CTSB: variants seen among roughly 807,000 people sequenced by gnomAD.
CTSB encodes APP secretase.
In CTSB, 57 loss-of-function variants were observed where a neutral mutation model predicts 44.3. The observed-to-expected ratio is 1.29, with a 90% CI of 1.04 to 1.60. The LOEUF (loss-of-function observed/expected upper bound fraction) is 1.60, where lower values mean the gene tolerates loss of function less well. Among genes scored for constraint, CTSB ranks in the 40% most tolerant of loss-of-function variants. The pLI, the probability that CTSB is intolerant of heterozygous loss-of-function variation, is 0.00. For missense variants in CTSB, 768 were observed against 443.0 expected (o/e 1.73, Z -6.59); for synonymous variants, 320 against 168.0 (o/e 1.91, Z -7.00).
At chr8:11,864,231 G>A (rs1816795645) in intron 1 of CTSB, 1 of 150,684 alleles carries the variant, frequency 6.6e-6, no homozygotes, top group South Asian at 2.1e-4. Context: ...GCATTTGGAA[G>A]GCCTAAGTGG....
chr8:11,849,486 C>T, intron 4 of CTSB: 1 of 198,390 alleles, frequency 5.0e-6, no homozygotes, highest in Non-Finnish European at 1.1e-5. Flanking sequence ...GCTTTTAAAG[C>T]AAGAGAAGCA....
Position 11,853,325 on chromosome 8 carries a change from C to G in CTSB, c.126+4G>C, listed in dbSNP as rs11784413. ...CATACATAGGACGCAGCCCCACAGCCTACCTGCCACGTGGTATTCCGTTTG... is the reference window on the plus strand; with the variant it reads ...CATACATAGGACGCAGCCCCACAGCGTACCTGCCACGTGGTATTCCGTTTG... On this transcript the variant is annotated splice_donor_region_variant and intron_variant, in intron 2 of 9. Coordinates refer to ENST00000353047, the MANE Select transcript of CTSB (RefSeq NM_001908.5). 6.2e-7 allele frequency: 1 copy of G among 1,613,242 alleles called. No individual in the cohort carries two copies. The highest frequency in any genetic ancestry group is 8.5e-7 in the Non-Finnish European group (1 of 1,179,806).
At chr8:11,845,829 C>G (rs1272894626) in intron 8 of CTSB, 40 bp from the exon 9 acceptor site, 14 of 1,575,120 alleles carry the variant, frequency 8.9e-6, no homozygotes, top group Non-Finnish European at 4.3e-6. Flanking sequence ...GACCGGGCCA[C>G]TGTCCCACGC....
intron 1 of CTSB, chr8:11,853,964 G>C (rs1293297): frequency 0.08 from 12,175 of 152,934 alleles, 680 homozygotes; most frequent in Middle Eastern, 0.15. Context: ...TGGAGGTTGA[G>C]GCTGAGAGGT....
intron 1 of CTSB, among the ~76,000 whole-genome samples, chr8:11,856,532 G>C (rs151150212): frequency 0.02 from 3,008 of 152,234 alleles, 49 homozygotes; most frequent in Middle Eastern, 0.048. Context: ...AGAATCACTT[G>C]AACCCAGGAG....
rs1812865334 is a variant in CTSB, at chr8:11,844,526, T to C, written c.*599A>G. 1 of 152,290 alleles carries C rather than the reference T, an allele frequency of 6.6e-6. No individual in the cohort carries two copies. 9.4% of individuals were successfully genotyped at this position (152,290 alleles called of 1,614,324 possible). A position where few individuals can be genotyped will look rare whatever the true frequency, so the allele number is the denominator to read the frequency against. On this transcript the variant is annotated 3_prime_UTR_variant, in exon 10 of 10. Transcript: ENST00000353047. ...AGGCAATCTGTAAAACTAGCACAGG[T>C]CTCCCGCTGTTCCACTGGCTCACCC...
rs1455599219 is a variant in CTSB, at chr8:11,844,249, G to A, written c.*876C>T. The stretch of plus-strand genomic sequence containing the variant: ...GTTCCAGGACGTGATTCTCTGCAGG[G>A]ACAAAGAGAGACAGCAGCTACAAGT... On this transcript the variant is annotated 3_prime_UTR_variant, in exon 10 of 10. Coordinates refer to ENST00000353047, the MANE Select transcript of CTSB (RefSeq NM_001908.5). The A allele has an allele frequency of 3.3e-5, 5 of 152,184 alleles. No individual in the cohort carries two copies. Among genetic ancestry groups the A allele is most frequent in the Non-Finnish European group, 7.3e-5 (5 of 68,038 alleles). The allele number at this position is 152,184 out of a possible 1,614,324, so 9.4% of individuals were successfully genotyped here.
Position 11,849,033 on chromosome 8 carries a change from C to A in CTSB, c.446+13G>T. 6.2e-7 allele frequency: 1 copy of A among 1,602,134 alleles called. No homozygotes were observed. Among genetic ancestry groups the A allele is most frequent in the Non-Finnish European group, 8.5e-7 (1 of 1,170,214 alleles). On this transcript the variant is annotated intron_variant, in intron 5 of 9. Transcript: ENST00000353047. Reference sequence around the variant, plus strand: ...CAGCACTAAACCCGCTGTGGAAGCACAGCCTGACTCACCCGTCCCCACACA... The same window carrying A: ...CAGCACTAAACCCGCTGTGGAAGCAAAGCCTGACTCACCCGTCCCCACACA...
rs375073968 is a variant in CTSB, at chr8:11,845,771, G to C, written c.812C>G (p.Thr271Ser). ...LYKSGVYQHV[T>S]GEMMGGHAIR... ...GGCATGGCCACCCATCATCTCTCCG[G>C]TGACGTGTTGGTACACTCCTGAAAA... Residue 271 changes from threonine (T) to serine (S), a missense_variant, in exon 9 of 10, where the codon ACC becomes AGC. Transcript: ENST00000353047. The C allele has an allele frequency of 8.4e-5, 136 of 1,613,808 alleles. No individual in the cohort carries two copies. In the Admixed American group the frequency reaches 1.7e-3, roughly 20 times the overall value.
chr8:11,846,949 C>T (rs1240954667), intron 8 of CTSB, 103 bp downstream of exon 8: 13 of 713,660 alleles, frequency 1.8e-5, no homozygotes, highest in Non-Finnish European at 3.3e-5. Context: ...CAGCCCCTCA[C>T]CTGCCTGCCC....
At chr8:11,851,222 CTGT>C (rs1174735710) in intron 3 of CTSB, among the ~76,000 whole-genome samples, 2 of 152,098 alleles carry the variant, frequency 1.3e-5, no homozygotes, top group Non-Finnish European at 2.9e-5. Context: ...CAGAATTTCA[CTGT>C]GTCATCCAGG....
chr8:11,848,757 T>C (rs1213487936), intron 5 of CTSB: 2 of 332,814 alleles, frequency 6.0e-6, no homozygotes, highest in Non-Finnish European at 1.2e-5. Flanking sequence ...AAAAGGAACA[T>C]GCGATGACAC....
intron 1 of CTSB, among the ~76,000 whole-genome samples, chr8:11,865,225 A>T (rs749156536): frequency 6.6e-6 from 1 of 152,152 alleles, no homozygotes; most frequent in Non-Finnish European, 1.5e-5. Context: ...CATGTTTCCA[A>T]TAATTTCCTT....
rs1030456054 is a variant in CTSB at position 11,846,085 on chromosome 8, C to G, written c.794-296G>C. The G allele has an allele frequency of 8.2e-5, 18 of 220,150 alleles. 2 individuals are homozygous for G. Among genetic ancestry groups the G allele is most frequent in the South Asian group, 7.4e-4 (7 of 9,488 alleles). 13.6% of individuals were successfully genotyped at this position (220,150 alleles called of 1,614,324 possible). Reference sequence around the variant, plus strand: ...ATTCTAATTGATAAAACATTTAATGCTAGATGACTGATTCATCTGTTCTTT... The same window carrying G: ...ATTCTAATTGATAAAACATTTAATGGTAGATGACTGATTCATCTGTTCTTT... On this transcript the variant is annotated intron_variant, in intron 8 of 9. Coordinates refer to ENST00000353047, the MANE Select transcript of CTSB (RefSeq NM_001908.5).
At chr8:11,862,653 G>A (rs372442863) in intron 1 of CTSB, among the ~76,000 whole-genome samples, 1 of 152,230 alleles carries the variant, frequency 6.6e-6, no homozygotes, top group South Asian at 2.1e-4. Flanking sequence ...TTGATGATAC[G>A]CTTCCAACCC....
intron 4 of CTSB, 28 bp downstream of exon 4, chr8:11,850,838 G>T: frequency 6.5e-7 from 1 of 1,543,172 alleles, no homozygotes; most frequent in Non-Finnish European, 8.9e-7. Flanking sequence ...TCTCTCCAGC[G>T]CTTCCCCGCC....
In CTSB at chr8:11,848,105, T is replaced by C. The variant is rs1563390399; in HGVS notation, c.494A>G (p.Lys165Arg). ...PAEAWNFWTR[K>R]GLVSGGLYES... ...ATAGAGGCCACCAGAAACCAGGCCT[T>C]TTCTTGTCCAGAAGTTCCAAGCTTC... Residue 165 changes from lysine (K) to arginine (R), a missense_variant, in exon 6 of 10, where the codon AAA (lysine) becomes AGA (arginine). By Grantham distance (26) the Lys-to-Arg change is conservative (BLOSUM62 2). Coordinates refer to ENST00000353047, the MANE Select transcript of CTSB (RefSeq NM_001908.5). The C allele has an allele frequency of 4.3e-6, 7 of 1,614,160 alleles. No homozygotes were observed. The highest frequency in any genetic ancestry group is 5.9e-6 in the Non-Finnish European group (7 of 1,180,006).
At chr8:11,858,679 A>G (rs76695379) in intron 1 of CTSB, among the ~76,000 whole-genome samples, 3,178 of 152,258 alleles carry the variant, frequency 0.021, 53 homozygotes, top group Middle Eastern at 0.048. Context: ...AGAACTCAAA[A>G]AGTGTCAAGC....
rs184984835 is a variant in CTSB, at chr8:11,848,240, C to T, written c.447-88G>A. On this transcript the variant is annotated intron_variant, in intron 5 of 9. Coordinates refer to ENST00000353047, the MANE Select transcript of CTSB (RefSeq NM_001908.5). ...TGTGCTACCCAAGTGCCCGAGGCCA[C>T]TCGTGGACCCACCCCCAGCTGCAGC... is the stretch of plus-strand genomic sequence containing the variant. 7.2e-3 allele frequency: 8,223 copies of T among 1,148,246 alleles called. 42 individuals carry two copies. The highest frequency in any genetic ancestry group is 8.5e-3 in the Non-Finnish European group (6,476 of 760,022). The allele number at this position is 1,148,246 out of a possible 1,614,324, so 71.1% of individuals were successfully genotyped here.
Sources: gnomAD v4.1 joint callset for allele counts (sites outside exome capture counted in the v4.1 genomes callset) on GRCh38, gnomAD v4.1.1 for gene constraint, MANE v1.5 for transcripts, NCBI Gene and HGNC (gene_info 2026-07-23, HGNC 2026-07-21) for gene names.